Variants in STXBP6 observed in about 807,000 individuals in gnomAD.
The protein encoded by STXBP6 is syntaxin-binding protein 6.
A neutral mutation model predicts 26.9 loss-of-function variants in STXBP6; 21 were observed. The ratio of observed to expected loss-of-function variants is 0.78; its 90% CI spans 0.55 to 1.12. The LOEUF (loss-of-function observed/expected upper bound fraction) is 1.12. STXBP6 is among the 50% of genes most tolerant of loss of function. The probability of loss-of-function intolerance (pLI) is 0.00; values close to 1 mark genes in which losing one functional copy is unlikely to be tolerated. For synonymous variants in STXBP6, 97 were observed against 92.6 expected, an observed-to-expected ratio of 1.05 and a Z score of -0.27; for missense variants, 232 against 257.9, an observed-to-expected ratio of 0.90 and a Z score of 0.69.
At chr14:24,846,256 T>C (rs1407147791) in intron 4 of STXBP6, among the ~76,000 whole-genome samples, 3 of 152,238 alleles carry the variant, frequency 2.0e-5, no homozygotes, top group Non-Finnish European at 2.9e-5. Context: ...ATTCTAGTAT[T>C]TCCTACTACC....
intron 4 of STXBP6, among the ~76,000 whole-genome samples, chr14:24,822,518 C>A (rs1352816226): frequency 6.6e-6 from 1 of 152,170 alleles, no homozygotes; most frequent in African/African-American, 2.4e-5. Context: ...GTGCCAGGCA[C>A]TATTATGTTG....
intron 4 of STXBP6, among the ~76,000 whole-genome samples, chr14:24,848,026 A>C (rs1482198497): frequency 6.6e-6 from 1 of 152,136 alleles, no homozygotes; most frequent in Non-Finnish European, 1.5e-5. Context: ...TTTCCCCCCA[A>C]TTCTTATGGC....
At chr14:24,870,857 A>T (rs2069904293) in intron 2 of STXBP6, among the ~76,000 whole-genome samples, 1 of 152,208 alleles carries the variant, frequency 6.6e-6, no homozygotes, top group South Asian at 2.1e-4. Context: ...TGGTTTAAAA[A>T]TGCATCACAA....
chr14:25,002,940 T>C (rs1566553001), intron 1 of STXBP6, among the ~76,000 whole-genome samples: 1 of 151,670 alleles, frequency 6.6e-6, no homozygotes. Context: ...TTGGCCAGGT[T>C]GGTCTCAAAC....
rs1017626909 is a variant in STXBP6 at position 24,874,271 on chromosome 14, G to A, written c.155-17114C>T. On this transcript the variant is annotated intron_variant, in intron 2 of 5. Coordinates refer to ENST00000323944, the MANE Select transcript of STXBP6 (RefSeq NM_001394410.1). ...CCCTATTAAAGCTAGGGACAAGGGA[G>A]ATGAGAGGGATAGTCACTCAGATTC... 5.3e-5 allele frequency among the ~76,000 whole-genome samples: 8 copies of A among 152,220 alleles called. 2 individuals are homozygous for A. The highest frequency in any genetic ancestry group is 3.9e-4 in the Admixed American group (6 of 15,288).
intron 2 of STXBP6, among the ~76,000 whole-genome samples, chr14:24,973,379 C>CTTTTTTTT (rs1057437135): frequency 2.7e-4 from 21 of 76,800 alleles, no homozygotes; most frequent in Non-Finnish European, 3.6e-4. Context: ...AGCTTTCTTC[C>CTTTTTTTT]TTTTTTTTTT....
chr14:24,842,492 A>C (rs2068813839), intron 4 of STXBP6, among the ~76,000 whole-genome samples: 1 of 151,994 alleles, frequency 6.6e-6, no homozygotes, highest in Non-Finnish European at 1.5e-5. Flanking sequence ...TTTCTTTTTA[A>C]TTTCCTCTAT....
intron 2 of STXBP6, among the ~76,000 whole-genome samples, chr14:24,937,406 T>C (rs745541528): frequency 6.6e-6 from 1 of 152,266 alleles, no homozygotes; most frequent in Non-Finnish European, 1.5e-5. Flanking sequence ...TCTGTTACTA[T>C]GCCTTTATAT....
At chr14:24,845,074 T>C (rs1229026790) in intron 4 of STXBP6, among the ~76,000 whole-genome samples, 1 of 151,516 alleles carries the variant, frequency 6.6e-6, no homozygotes, top group Non-Finnish European at 1.5e-5. Flanking sequence ...TGCAGTGGCG[T>C]GATCTCAGCT....
chr14:24,969,939 G>A (rs1402943892), intron 2 of STXBP6, among the ~76,000 whole-genome samples: 2 of 152,242 alleles, frequency 1.3e-5, no homozygotes, highest in Non-Finnish European at 2.9e-5. Flanking sequence ...CTGTAAAAGT[G>A]TTTCTAAAGT....
At chr14:24,830,855 G>C (rs2068436509) in intron 4 of STXBP6, among the ~76,000 whole-genome samples, 1 of 152,154 alleles carries the variant, frequency 6.6e-6, no homozygotes, top group South Asian at 2.1e-4. Context: ...AAAGGAACCT[G>C]CTAAGGAAAC....
chr14:24,836,564 A>ACTCTAGCT (rs2068621586), intron 4 of STXBP6, among the ~76,000 whole-genome samples: 1 of 132,048 alleles, frequency 7.6e-6, no homozygotes, highest in East Asian at 2.2e-4. Flanking sequence ...ACACCACTGC[A>ACTCTAGCT]CTCTAGCTTG....
intron 2 of STXBP6, among the ~76,000 whole-genome samples, chr14:24,945,161 T>TTTTTTTTA: frequency 7.1e-6 from 1 of 141,552 alleles, no homozygotes; most frequent in Admixed American, 7.0e-5. Context: ...TTTTTTTTTT[T>TTTTTTTTA]TTTTTAGCAG....
chr14:24,951,265 T>C lies in STXBP6; in HGVS notation c.154+23400A>G, dbSNP rs1368459431. On this transcript the variant is annotated intron_variant, in intron 2 of 5. Coordinates refer to ENST00000323944, the MANE Select transcript of STXBP6 (RefSeq NM_001394410.1). Reference sequence around the variant, plus strand: ...TTTGGGTATATACCCAGTAATGGGATTGCTGGGTCAAATGGTATTTCTAGT... The same window carrying C: ...TTTGGGTATATACCCAGTAATGGGACTGCTGGGTCAAATGGTATTTCTAGT... Among the ~76,000 whole-genome samples the C allele has an allele frequency of 3.3e-5, 5 of 152,316 alleles. No homozygotes were observed. The East Asian group carries it at 9.7e-4, about 29-fold the overall frequency.
At chr14:24,903,060 A>G (rs757811908) in intron 2 of STXBP6, among the ~76,000 whole-genome samples, 4 of 152,254 alleles carry the variant, frequency 2.6e-5, no homozygotes, top group Non-Finnish European at 5.9e-5. Context: ...GAAGTAGCTC[A>G]CAACAAGCAA....
chr14:24,933,228 A>G (rs2038699), intron 2 of STXBP6, among the ~76,000 whole-genome samples: 16,928 of 152,148 alleles, frequency 0.11, 1,103 homozygotes, highest in East Asian at 0.26. Flanking sequence ...TATAGTCCCA[A>G]CTACTTGGGA....
rs890271871 is a variant in STXBP6, at chr14:24,810,444, TAGG to T, written c.*2262_*2264del. On this transcript the variant is annotated 3_prime_UTR_variant, in exon 6 of 6. Transcript: ENST00000323944. Reference sequence around the variant, plus strand: ...CCTCTCTGTTGTGGGGAGGCCTAGGTAGGACTTTGACACTGAGAGGTCAAAGGT... The same window carrying T: ...CCTCTCTGTTGTGGGGAGGCCTAGGTACTTTGACACTGAGAGGTCAAAGGT... 21 of 152,186 alleles carry T rather than the reference TAGG, an allele frequency of 1.4e-4. No homozygotes were observed. Among genetic ancestry groups the T allele is most frequent in the African/African-American group, 5.1e-4 (21 of 41,510 alleles). 9.4% of individuals were successfully genotyped at this position (152,186 alleles called of 1,614,324 possible). A position where few individuals can be genotyped will look rare whatever the true frequency, so the allele number is the denominator to read the frequency against.
chr14:24,837,591 G>A (rs1281151566), intron 4 of STXBP6, among the ~76,000 whole-genome samples: 2 of 152,292 alleles, frequency 1.3e-5, no homozygotes, highest in East Asian at 3.9e-4. Context: ...CCAGGACTTT[G>A]GGGCTGAGTA....
intron 2 of STXBP6, among the ~76,000 whole-genome samples, chr14:24,919,002 C>G (rs571520080): frequency 6.6e-6 from 1 of 152,116 alleles, no homozygotes; most frequent in Non-Finnish European, 1.5e-5. Context: ...ACAGTGTGCT[C>G]AAGATGGAAA....
Sources: allele counts gnomAD v4.1 joint callset (sites outside exome capture counted in the v4.1 genomes callset), GRCh38; gene constraint gnomAD v4.1.1; transcripts MANE v1.5; gene names NCBI Gene and HGNC (gene_info 2026-07-23, HGNC 2026-07-21).